The following ARHGAP5 variants were observed in gnomAD, a reference collection of about 807,000 sequenced individuals.
ARHGAP5 encodes rho GTPase-activating protein 5.
ARHGAP5 carries 23 observed loss-of-function variants against 116.6 expected under a neutral mutation model. The ratio of observed to expected loss-of-function variants is 0.20; its 90% confidence interval spans 0.14 to 0.28. ARHGAP5 has a LOEUF of 0.28. Among genes scored for constraint, ARHGAP5 ranks in the 10% least tolerant of loss-of-function variants. ARHGAP5 has a pLI of 1.00. For missense variants in ARHGAP5, 1,405 were observed against 1,774.8 expected (o/e 0.79, Z 3.74); for synonymous variants, 574 against 602.0 (o/e 0.95, Z 0.68).
rs929233283 is a variant in ARHGAP5 at position 32,152,439 on chromosome 14, A to G, written c.4092A>G (p.Thr1364=). The change falls in exon 6 of 7, where the codon ACA becomes ACG. Residue 1364 remains threonine, a synonymous_variant. Coordinates refer to ENST00000345122, the MANE Select transcript of ARHGAP5 (RefSeq NM_001030055.2). Reference sequence around the variant, plus strand: ...ATTTTACAGAAATCCCGGATAAAACAGAACGTCTTCATGCCTTGAAAGAAA... The same window carrying G: ...ATTTTACAGAAATCCCGGATAAAACGGAACGTCTTCATGCCTTGAAAGAAA... ...LLEAAKIPDK[T]ERLHALKEIV... 6.2e-7 allele frequency: 1 copy of G among 1,602,348 alleles called. No homozygotes were observed. Among genetic ancestry groups the G allele is most frequent in the Non-Finnish European group, 8.5e-7 (1 of 1,175,472 alleles).
At chr14:32,101,052 T>A (rs1380766117) in intron 2 of ARHGAP5, among the ~76,000 whole-genome samples, 1 of 152,222 alleles carries the variant, frequency 6.6e-6, no homozygotes, top group Non-Finnish European at 1.5e-5. Flanking sequence ...GGTATTCAGA[T>A]GATTTTTTAT....
Position 32,123,762 on chromosome 14 carries a change from T to C in ARHGAP5, c.3865+6475T>C, listed in dbSNP as rs192026485. Among the ~76,000 whole-genome samples the C allele has an allele frequency of 5.3e-5, 8 of 152,320 alleles. 1 individual carries two copies. In the East Asian group the frequency reaches 1.5e-3, roughly 29 times the overall value. ...TAAGAATGTTTGATTTGTTTTTTCA[T>C]GTGTTAAGTACCTTGTGAATCAGTT... is the stretch of plus-strand genomic sequence containing the variant. On this transcript the variant is annotated intron_variant, in intron 3 of 6. Coordinates refer to ENST00000345122, the MANE Select transcript of ARHGAP5 (RefSeq NM_001030055.2).
intron 1 of ARHGAP5, among the ~76,000 whole-genome samples, chr14:32,078,833 C>T (rs2041742254): frequency 6.6e-6 from 1 of 152,208 alleles, no homozygotes; most frequent in South Asian, 2.1e-4. Context: ...AAACCTTTTG[C>T]TGTCAATTCT....
chr14:32,085,196 C>G (rs181208122), intron 1 of ARHGAP5, among the ~76,000 whole-genome samples: 1 of 151,956 alleles, frequency 6.6e-6, no homozygotes, highest in Non-Finnish European at 1.5e-5. Flanking sequence ...CTGTAATACC[C>G]ATACCTTGGG....
intron 1 of ARHGAP5, among the ~76,000 whole-genome samples, chr14:32,082,900 C>T (rs1444017329): frequency 1.3e-5 from 2 of 152,240 alleles, no homozygotes; most frequent in Non-Finnish European, 2.9e-5. Context: ...ATTTGTCTAT[C>T]TCTTGGGCTC....
Position 32,091,152 on chromosome 14 carries a change from A to G in ARHGAP5, c.483A>G (p.Leu161=), listed in dbSNP as rs370059505. The G allele has an allele frequency of 6.2e-7, 1 of 1,613,702 alleles. No individual in the cohort carries two copies. The highest frequency in any genetic ancestry group is 8.5e-7 in the Non-Finnish European group (1 of 1,179,648). The change falls in exon 2 of 7, where the codon TTA becomes TTG. Residue 161 remains leucine, a synonymous_variant. Coordinates refer to ENST00000345122, the MANE Select transcript of ARHGAP5 (RefSeq NM_001030055.2). ...AGCTCAACGTAGATGGATTTTTATT[A>G]TGCATTGATGTAAGTCAAGGATGCA... ...EGKLNVDGFL[L]CIDVSQGCNR... is the part of the protein sequence containing the mutation.
intron 3 of ARHGAP5, among the ~76,000 whole-genome samples, chr14:32,140,789 A>G (rs1385086874): frequency 6.6e-6 from 1 of 152,148 alleles, no homozygotes; most frequent in Non-Finnish European, 1.5e-5. Context: ...AAGAGAATGT[A>G]TATTGTGCTG....
chr14:32,081,417 T>C (rs1294113945), intron 1 of ARHGAP5, among the ~76,000 whole-genome samples: 1 of 151,678 alleles, frequency 6.6e-6, no homozygotes, highest in Non-Finnish European at 1.5e-5. Flanking sequence ...GAAGAAAATA[T>C]AAAAATGTGT....
Position 32,154,985 on chromosome 14 carries a change from A to C in ARHGAP5, c.*37A>C. 6.4e-7 allele frequency: 1 copy of C among 1,564,188 alleles called. No individual in the cohort carries two copies. Among genetic ancestry groups the C allele is most frequent in the African/African-American group, 1.4e-5 (1 of 73,672 alleles). On this transcript the variant is annotated 3_prime_UTR_variant, in exon 7 of 7. Transcript: ENST00000345122. ...TTGCAAACAGGCTGGATTTGGACAAAAAGCAAATCTAGACATGCATGTTTC... is the reference window on the plus strand; with the variant it reads ...TTGCAAACAGGCTGGATTTGGACAACAAGCAAATCTAGACATGCATGTTTC...
Position 32,095,764 on chromosome 14 carries a change from C to CAT in ARHGAP5, c.3717+1380_3717+1381dup, listed in dbSNP as rs565752791. Among the ~76,000 whole-genome samples, 18 of 152,294 alleles carry CAT rather than the reference C, an allele frequency of 1.2e-4. No homozygotes were observed. The East Asian group carries it at 2.5e-3, about 21-fold the overall frequency. ...CTAGACTTACAGCACATACTCAACT[C>CAT]ATAACATGCTACTCTCTTGCATCTC... On this transcript the variant is annotated intron_variant, in intron 2 of 6. Coordinates refer to ENST00000345122, the MANE Select transcript of ARHGAP5 (RefSeq NM_001030055.2).
chr14:32,080,914 T>G (rs2041765933), intron 1 of ARHGAP5, among the ~76,000 whole-genome samples: 1 of 152,194 alleles, frequency 6.6e-6, no homozygotes, highest in African/African-American at 2.4e-5. Flanking sequence ...GAGCATAACC[T>G]TGTAATTTTG....
At chr14:32,150,296 G>A (rs1028457099) in intron 5 of ARHGAP5, among the ~76,000 whole-genome samples, 6 of 152,088 alleles carry the variant, frequency 3.9e-5, no homozygotes, top group African/African-American at 1.4e-4. Context: ...GAAGTTTGAG[G>A]TTTGTGTTTT....
At chr14:32,129,656 CTT>C (rs879936706) in intron 3 of ARHGAP5, among the ~76,000 whole-genome samples, 1 of 146,128 alleles carries the variant, frequency 6.8e-6, no homozygotes, top group African/African-American at 2.5e-5. Context: ...AGAACTCCCA[CTT>C]TTTTTTTTTT....
intron 2 of ARHGAP5, among the ~76,000 whole-genome samples, chr14:32,100,969 CTA>C (rs1466972512): frequency 2.0e-5 from 3 of 152,064 alleles, no homozygotes; most frequent in South Asian, 2.1e-4. Flanking sequence ...TCTATTTTGT[CTA>C]TTTTATTTTT....
intron 3 of ARHGAP5, among the ~76,000 whole-genome samples, chr14:32,140,157 C>T (rs1488769634): frequency 1.8e-5 from 2 of 108,360 alleles, no homozygotes; most frequent in South Asian, 3.2e-4. Context: ...TAGGGTACAT[C>T]TGCACATTGT....
At chr14:32,126,935 G>A (rs181579378) in intron 3 of ARHGAP5, among the ~76,000 whole-genome samples, 29 of 151,142 alleles carry the variant, frequency 1.9e-4, no homozygotes, top group Admixed American at 1.7e-3. Context: ...AAATGGTTAA[G>A]GTGGTAAATT....
chr14:32,125,906 C>CATGTTTATGG (rs1239495805), intron 3 of ARHGAP5, among the ~76,000 whole-genome samples: 1 of 151,920 alleles, frequency 6.6e-6, no homozygotes, highest in East Asian at 1.9e-4. Flanking sequence ...ATTTAATTTT[C>CATGTTTATGG]ATGTTTATGG....
chr14:32,114,674 T>G (rs769706271), intron 2 of ARHGAP5, among the ~76,000 whole-genome samples: 19 of 152,130 alleles, frequency 1.2e-4, no homozygotes, highest in Non-Finnish European at 5.9e-5. Context: ...TATAAGAGGA[T>G]TTAGAAGTTA....
At chr14:32,130,158 T>G (rs1880397418) in intron 3 of ARHGAP5, among the ~76,000 whole-genome samples, 2 of 151,674 alleles carry the variant, frequency 1.3e-5, no homozygotes, top group African/African-American at 4.8e-5. Flanking sequence ...CATCTTATAT[T>G]TCCAATTTAC....
Sources: gnomAD v4.1 joint callset for allele counts (sites outside exome capture counted in the v4.1 genomes callset) on GRCh38, gnomAD v4.1.1 for gene constraint, MANE v1.5 for transcripts, NCBI Gene and HGNC (gene_info 2026-07-23, HGNC 2026-07-21) for gene names.